ARSJ: variants seen among roughly 807,000 people sequenced by gnomAD.
ARSJ encodes the protein arylsulfatase J.
ARSJ carries 26 observed loss-of-function variants against 35.9 expected under a neutral mutation model. That is an observed-to-expected ratio of 0.72 (90% CI 0.53 to 1.00). The LOEUF is 1.00. Among genes scored for constraint, ARSJ ranks in the 50% least tolerant of loss-of-function variants. The probability of loss-of-function intolerance (pLI) is 0.00; values close to 1 mark genes in which losing one functional copy is unlikely to be tolerated. For synonymous variants in ARSJ, 294 were observed against 267.6 expected (o/e 1.10, Z -0.96); for missense variants, 667 against 723.6 (o/e 0.92, Z 0.90).
chr4:113,954,489 C>A (rs2149276848), intron 1 of ARSJ, among the ~76,000 whole-genome samples: 1 of 152,162 alleles, frequency 6.6e-6, no homozygotes, highest in Non-Finnish European at 1.5e-5. Flanking sequence ...CTGCCTCAAT[C>A]CAAATACCTG....
At chr4:113,906,618 T>G in intron 1 of ARSJ, 1 of 342,518 alleles carries the variant, frequency 2.9e-6, no homozygotes, top group Non-Finnish European at 5.8e-6. Flanking sequence ...AAGTTTCAGG[T>G]AATTTGGGGT....
chr4:113,925,836 C>T (rs1724023152), intron 1 of ARSJ, among the ~76,000 whole-genome samples: 1 of 152,176 alleles, frequency 6.6e-6, no homozygotes, highest in African/African-American at 2.4e-5. Context: ...CCAATATAAT[C>T]AACCTGCCAC....
chr4:113,932,902 G>T (rs1322323652), intron 1 of ARSJ, among the ~76,000 whole-genome samples: 1 of 151,872 alleles, frequency 6.6e-6, no homozygotes, highest in Non-Finnish European at 1.5e-5. Flanking sequence ...CAATACAGAA[G>T]TTCACTTAAG....
intron 1 of ARSJ, among the ~76,000 whole-genome samples, chr4:113,906,452 A>G (rs1288271978): frequency 6.6e-6 from 1 of 152,232 alleles, no homozygotes; most frequent in Non-Finnish European, 1.5e-5. Context: ...CTAATCAACT[A>G]TGAGGTTTCT....
chr4:113,978,478 C>T lies in ARSJ; in HGVS notation c.357G>A (p.Gln119=). 1 of 1,613,712 alleles carries T rather than the reference C, an allele frequency of 6.2e-7. No individual in the cohort carries two copies. Among genetic ancestry groups the T allele is most frequent in the Non-Finnish European group, 8.5e-7 (1 of 1,179,742 alleles). Residue 119 remains glutamine (Q), a synonymous_variant, in exon 1 of 2, where the codon CAG becomes CAA. Transcript: ENST00000315366. ...EGVKLENYYV[Q]PICTPSRSQF... is the part of the protein sequence containing the mutation. ...GACTCCTGGATGGTGTGCAAATAGG[C>T]TGGACATAGTAGTTCTCCAGTTTAA...
intron 1 of ARSJ, among the ~76,000 whole-genome samples, chr4:113,966,226 G>A (rs2149283581): frequency 6.6e-6 from 1 of 152,148 alleles, no homozygotes; most frequent in Admixed American, 6.6e-5. Context: ...TATAATTCAT[G>A]AATTTTTGCT....
At chr4:113,952,188 G>GCCTCTCAAGTAGCTGGCAC (rs1725903899) in intron 1 of ARSJ, among the ~76,000 whole-genome samples, 1 of 151,930 alleles carries the variant, frequency 6.6e-6, no homozygotes, top group African/African-American at 2.4e-5. Context: ...TCTCATCTCA[G>GCCTCTCAAGTAGCTGGCAC]CCTCTCAAGT....
intron 1 of ARSJ, among the ~76,000 whole-genome samples, chr4:113,939,809 T>C (rs892925159): frequency 5.3e-5 from 8 of 152,032 alleles, no homozygotes; most frequent in African/African-American, 1.9e-4. Flanking sequence ...TCATTGTAGA[T>C]TCTAGATATT....
chr4:113,959,690 A>G (rs968433934), intron 1 of ARSJ, among the ~76,000 whole-genome samples: 2 of 152,126 alleles, frequency 1.3e-5, no homozygotes, highest in African/African-American at 4.8e-5. Context: ...TGTGTATATT[A>G]AACATGTTTT....
intron 1 of ARSJ, among the ~76,000 whole-genome samples, chr4:113,933,605 T>A (rs1410704770): frequency 2.0e-5 from 3 of 151,658 alleles, no homozygotes; most frequent in Non-Finnish European, 4.4e-5. Context: ...ATAAATTACA[T>A]CACATTAACA....
At chr4:113,963,002 C>T (rs780276132) in intron 1 of ARSJ, among the ~76,000 whole-genome samples, 1 of 152,010 alleles carries the variant, frequency 6.6e-6, no homozygotes, top group Non-Finnish European at 1.5e-5. Flanking sequence ...ATTCACTCTT[C>T]TTTCTGCCTG....
At chr4:113,973,246 A>G (rs2110338187) in intron 1 of ARSJ, among the ~76,000 whole-genome samples, 1 of 152,326 alleles carries the variant, frequency 6.6e-6, no homozygotes, top group East Asian at 1.9e-4. Context: ...CCTGTACTAC[A>G]TAACTAAATT....
intron 1 of ARSJ, among the ~76,000 whole-genome samples, chr4:113,905,543 C>G (rs1418117184): frequency 6.6e-6 from 1 of 151,324 alleles, no homozygotes; most frequent in Non-Finnish European, 1.5e-5. Flanking sequence ...ATTTAGCTGT[C>G]AGTTTTGCAA....
intron 1 of ARSJ, among the ~76,000 whole-genome samples, chr4:113,913,103 A>T (rs200400849): frequency 6.6e-6 from 1 of 151,972 alleles, no homozygotes; most frequent in South Asian, 2.1e-4. Context: ...AGCTAAATAA[A>T]TCTGTAATTA....
intron 1 of ARSJ, chr4:113,943,320 C>T (rs766182): frequency 0.27 from 40,886 of 151,880 alleles, 5,814 homozygotes; most frequent in Middle Eastern, 0.39. Context: ...TGCTCTCCTG[C>T]GACACAGGGG....
intron 1 of ARSJ, among the ~76,000 whole-genome samples, chr4:113,958,914 C>T (rs1435713123): frequency 6.6e-6 from 1 of 151,988 alleles, no homozygotes; most frequent in Non-Finnish European, 1.5e-5. Context: ...TCTTTCCTTT[C>T]TTGCAAGATT....
intron 1 of ARSJ, among the ~76,000 whole-genome samples, chr4:113,941,590 C>T (rs955067162): frequency 1.3e-5 from 2 of 151,854 alleles, no homozygotes; most frequent in Non-Finnish European, 2.9e-5. Context: ...TTAAAAATTA[C>T]AAAATGTCAT....
rs1263170567 is a variant in ARSJ at position 113,902,455 on chromosome 4, G to A, written c.1619C>T (p.Pro540Leu). The A allele has an allele frequency of 4.3e-6, 7 of 1,613,966 alleles. No individual in the cohort carries two copies. The highest frequency in any genetic ancestry group is 5.9e-6 in the Non-Finnish European group (7 of 1,179,984). Residue 540 changes from proline to leucine, a missense_variant, in exon 2 of 2, where the codon CCC becomes CTC. Physicochemically the swap from Pro to Leu is moderately conservative, Grantham distance 98. Transcript: ENST00000315366. ...TCCATTGAGCCTAGGGTTACTTCTG[G>A]GGTCTTTGGGGGGATACCTGACCGG... is the stretch of plus-strand genomic sequence containing the variant. ...AVPVRYPPKD[P>L]RSNPRLNGGV...
chr4:113,922,365 G>T (rs1345374443), intron 1 of ARSJ, among the ~76,000 whole-genome samples: 1 of 152,024 alleles, frequency 6.6e-6, no homozygotes, highest in Non-Finnish European at 1.5e-5. Context: ...ATGTAAACAG[G>T]ATTACTAACA....
Sources: allele counts gnomAD v4.1 joint callset (sites outside exome capture counted in the v4.1 genomes callset), GRCh38; gene constraint gnomAD v4.1.1; transcripts MANE v1.5; gene names NCBI Gene and HGNC (gene_info 2026-07-23, HGNC 2026-07-21).